Variants in HDAC4 observed in about 807,000 individuals in gnomAD.
HDAC4 encodes histone deacetylase 4.
Under a neutral mutation model 135.1 loss-of-function variants are expected in HDAC4, and 16 were observed. The observed-to-expected ratio is 0.12, with a 90% CI of 0.08 to 0.18. The LOEUF (loss-of-function observed/expected upper bound fraction) is 0.18. HDAC4 is among the 10% of genes least tolerant of loss of function. The probability of loss-of-function intolerance (pLI) is 1.00; values close to 1 mark genes in which losing one functional copy is unlikely to be tolerated. For synonymous variants in HDAC4, 685 were observed against 653.4 expected, an observed-to-expected ratio of 1.05 and a Z score of -0.74; for missense variants, 1,143 against 1,511.8, an observed-to-expected ratio of 0.76 and a Z score of 4.05.
chr2:239,132,931 C>T (rs1057499909), intron 11 of HDAC4, among the ~76,000 whole-genome samples: 18 of 152,136 alleles, frequency 1.2e-4, no homozygotes, highest in Non-Finnish European at 2.4e-4. Context: ...GAGACTCAGA[C>T]GCAACCTCAG....
At chr2:239,368,786 G>A (rs1202747257) in intron 1 of HDAC4, among the ~76,000 whole-genome samples, 1 of 152,122 alleles carries the variant, frequency 6.6e-6, no homozygotes, top group African/African-American at 2.4e-5. Context: ...CCTAAGTGTT[G>A]CGTTCTTTCG....
intron 2 of HDAC4, among the ~76,000 whole-genome samples, chr2:239,248,274 G>A (rs543917708): frequency 1.3e-4 from 19 of 151,742 alleles, no homozygotes; most frequent in African/African-American, 4.1e-4. Flanking sequence ...TCCGCCTCCC[G>A]GGTTCAAGCA....
chr2:239,340,144 C>G (rs1389756542), intron 2 of HDAC4, among the ~76,000 whole-genome samples: 2 of 152,036 alleles, frequency 1.3e-5, no homozygotes, highest in Non-Finnish European at 2.9e-5. Context: ...CTGCTGCTCC[C>G]TCACCCCAGG....
intron 17 of HDAC4, among the ~76,000 whole-genome samples, chr2:239,092,836 CTG>C (rs1030774273): frequency 6.6e-5 from 10 of 152,126 alleles, no homozygotes; most frequent in Admixed American, 2.6e-4. Flanking sequence ...ATGGCTCACT[CTG>C]TGTTTCGTTT....
chr2:239,297,027 TAAAAAA>T lies in HDAC4; in HGVS notation c.22+55645_22+55650del, dbSNP rs71043186. The stretch of plus-strand genomic sequence containing the variant: ...ACTCCCATTTCTGTTTGTTTTCATG[TAAAAAA>T]AAAAAAAAAAAAAAAGGAATTAAGT... On this transcript the variant is annotated intron_variant, in intron 2 of 26. Coordinates refer to ENST00000543185, the MANE Select transcript of HDAC4 (RefSeq NM_001378414.1). Among the ~76,000 whole-genome samples the T allele has an allele frequency of 8.5e-5, 10 of 118,196 alleles. No individual in the cohort carries two copies. The East Asian group carries it at 1.8e-3, about 22-fold the overall frequency. 77.5% of individuals were successfully genotyped at this position (118,196 alleles called of 152,430 possible). A position where few individuals can be genotyped will look rare whatever the true frequency, so the allele number is the denominator to read the frequency against.
intron 22 of HDAC4, chr2:239,080,816 T>C (rs1288872441): frequency 3.8e-6 from 2 of 520,506 alleles, no homozygotes; most frequent in Admixed American, 3.3e-5. Context: ...CAAAAGTCCC[T>C]GCCTCTGTCT....
At position 239,092,246 on chromosome 2, in the gene HDAC4, GAA is replaced by G. The variant is rs11366042; in HGVS notation, c.2281-2132_2281-2131del. On this transcript the variant is annotated intron_variant, in intron 17 of 26. Transcript: ENST00000543185. Reference sequence around the variant, plus strand: ...AGACTGAAGCTCTGTCTCCAAAGAGGAAAAAAAAAAAAAAAAAAATCCAAGGT... The same window carrying G: ...AGACTGAAGCTCTGTCTCCAAAGAGGAAAAAAAAAAAAAAAAATCCAAGGT... Among the ~76,000 whole-genome samples, 559 of 129,250 alleles carry G rather than the reference GAA, an allele frequency of 4.3e-3. 4 individuals carry two copies. The highest frequency in any genetic ancestry group is 0.013 in the African/African-American group (461 of 35,552). 84.8% of individuals were successfully genotyped at this position (129,250 alleles called of 152,430 possible). A position where few individuals can be genotyped will look rare whatever the true frequency, so the allele number is the denominator to read the frequency against.
At chr2:239,190,444 A>C (rs1482827873) in intron 3 of HDAC4, among the ~76,000 whole-genome samples, 14 of 152,222 alleles carry the variant, frequency 9.2e-5, no homozygotes, top group Admixed American at 9.2e-4. Flanking sequence ...AATGAGAAAA[A>C]TAAAGAAAAA....
intron 1 of HDAC4, among the ~76,000 whole-genome samples, chr2:239,373,864 G>A (rs934633439): frequency 6.6e-5 from 10 of 152,138 alleles, no homozygotes; most frequent in South Asian, 2.1e-4. Context: ...CAATGAGGAC[G>A]GGTCCTTGAT....
chr2:239,289,079 C>G lies in HDAC4; in HGVS notation c.23-52415G>C, dbSNP rs1052371006. Among the ~76,000 whole-genome samples, 5 of 152,266 alleles carry G rather than the reference C, an allele frequency of 3.3e-5. No individual in the cohort carries two copies. In the South Asian group the frequency reaches 1.0e-3, roughly 32 times the overall value. On this transcript the variant is annotated intron_variant, in intron 2 of 26. Coordinates refer to ENST00000543185, the MANE Select transcript of HDAC4 (RefSeq NM_001378414.1). ...TGGAGCAGCTGAGCACAGGGAGGGT[C>G]CAAAACAGATTGAACTTGGAGGATG...
intron 2 of HDAC4, among the ~76,000 whole-genome samples, chr2:239,271,100 T>A (rs1251328580): frequency 6.6e-6 from 1 of 152,026 alleles, no homozygotes; most frequent in Non-Finnish European, 1.5e-5. Flanking sequence ...AGTAAAAAGG[T>A]TGGGGCTTAG....
At chr2:239,395,318 G>C (rs940190292) in intron 1 of HDAC4, among the ~76,000 whole-genome samples, 1 of 152,154 alleles carries the variant, frequency 6.6e-6, no homozygotes, top group Non-Finnish European at 1.5e-5. Context: ...GGGAATGAGA[G>C]GTACAAACCT....
chr2:239,109,637 G>A (rs1319311568), intron 14 of HDAC4, among the ~76,000 whole-genome samples: 1 of 151,874 alleles, frequency 6.6e-6, no homozygotes, highest in Admixed American at 6.6e-5. Flanking sequence ...ATCAGGGTAG[G>A]TGCAGGCTTA....
At chr2:239,253,677 T>G (rs561090598) in intron 2 of HDAC4, among the ~76,000 whole-genome samples, 1 of 152,178 alleles carries the variant, frequency 6.6e-6, no homozygotes, top group African/African-American at 2.4e-5. Flanking sequence ...GTTATGAAGA[T>G]AGAATAAAAT....
chr2:239,171,765 T>C lies in HDAC4; in HGVS notation c.490+4648A>G, dbSNP rs114302034. 8.8e-3 allele frequency among the ~76,000 whole-genome samples: 1,346 copies of C among 152,266 alleles called. 22 individuals are homozygous for C. The highest frequency in any genetic ancestry group is 0.03 in the African/African-American group (1,260 of 41,562). ...CTTAAAAATAGCTAGGGAAGAAAGA[T>C]TATTTCCAAAGAAGGAACAATAGGA... On this transcript the variant is annotated intron_variant, in intron 5 of 26. Transcript: ENST00000543185.
chr2:239,279,758 C>G (rs1046931256), intron 2 of HDAC4, among the ~76,000 whole-genome samples: 3 of 152,190 alleles, frequency 2.0e-5, no homozygotes, highest in South Asian at 2.1e-4. Context: ...GGGATGGGGG[C>G]GACTGAGTGA....
intron 12 of HDAC4, among the ~76,000 whole-genome samples, chr2:239,124,303 A>G (rs1486478181): frequency 6.6e-6 from 1 of 152,204 alleles, no homozygotes; most frequent in Non-Finnish European, 1.5e-5. Flanking sequence ...AATGCTCCCC[A>G]TCTGCCCGCA....
At chr2:239,396,369 C>A (rs1025095619) in intron 1 of HDAC4, among the ~76,000 whole-genome samples, 8 of 152,100 alleles carry the variant, frequency 5.3e-5, no homozygotes, top group African/African-American at 1.9e-4. Context: ...TACTACATGC[C>A]AGGCCCTATT....
intron 19 of HDAC4, among the ~76,000 whole-genome samples, chr2:239,085,436 C>G (rs890616714): frequency 6.6e-6 from 1 of 152,208 alleles, no homozygotes; most frequent in African/African-American, 2.4e-5. Context: ...CCCACACGCC[C>G]CAGGACATCC....
Sources: gnomAD v4.1 joint callset for allele counts (sites outside exome capture counted in the v4.1 genomes callset) on GRCh38, gnomAD v4.1.1 for gene constraint, MANE v1.5 for transcripts, NCBI Gene and HGNC (gene_info 2026-07-23, HGNC 2026-07-21) for gene names.